Variants in RDH13 observed in about 807,000 individuals in gnomAD.
RDH13 encodes retinol dehydrogenase 13 (all-trans and 9-cis).
Under a neutral mutation model 28.3 loss-of-function variants are expected in RDH13, and 35 were observed. The observed-to-expected ratio is 1.24, with a 90% CI of 0.95 to 1.64. The LOEUF is 1.64. Among genes scored for constraint, RDH13 ranks in the 40% most tolerant of loss-of-function variants. The pLI, the probability that RDH13 is intolerant of heterozygous loss-of-function variation, is 0.00. For synonymous variants in RDH13, 229 were observed against 198.5 expected (o/e 1.15, Z -1.29); for missense variants, 514 against 446.3 (o/e 1.15, Z -1.37).
intron 3 of RDH13, among the ~76,000 whole-genome samples, chr19:55,053,482 C>T (rs529071903): frequency 4.4e-4 from 67 of 151,598 alleles, no homozygotes; most frequent in Non-Finnish European, 8.5e-4. Context: ...GGTGAAACCC[C>T]GTCTCTAGTA....
chr19:55,047,199 G>A, intron 6 of RDH13, 188 bp downstream of exon 6: 1 of 1,405,660 alleles, frequency 7.1e-7, no homozygotes, highest in Non-Finnish European at 9.2e-7. Flanking sequence ...CTGCTTCCCG[G>A]GGCTGTTAGA....
At chr19:55,048,883 T>A in intron 3 of RDH13, 120 bp from the exon 4 acceptor site, 1 of 892,382 alleles carries the variant, frequency 1.1e-6, no homozygotes, top group East Asian at 2.6e-5. Context: ...GGAAACAGGG[T>A]CTGTGCCGAA....
intron 5 of RDH13, chr19:55,048,096 C>T: frequency 1.3e-6 from 2 of 1,510,582 alleles, no homozygotes; most frequent in South Asian, 2.5e-5. Flanking sequence ...CAGGGAAGGA[C>T]ATCTGATCCA....
At chr19:55,047,313 G>T (rs1325267978) in intron 6 of RDH13, 74 bp downstream of exon 6, 20 of 1,556,022 alleles carry the variant, frequency 1.3e-5, no homozygotes, top group Non-Finnish European at 1.6e-5. Flanking sequence ...TCTGAGGGAG[G>T]GTCCTGGGCC....
chr19:55,045,021 C>G lies in RDH13; in HGVS notation c.*53G>C. 7.4e-7 allele frequency: 1 copy of G among 1,351,196 alleles called. No homozygotes were observed. The highest frequency in any genetic ancestry group is 1.0e-6 in the Non-Finnish European group (1 of 977,672). 83.7% of individuals were successfully genotyped at this position (1,351,196 alleles called of 1,614,324 possible). On this transcript the variant is annotated 3_prime_UTR_variant, in exon 7 of 7. Transcript: ENST00000415061. Reference sequence around the variant, plus strand: ...GCCAGGAAGCTGCGGGCATGGCGGACAGCTGTCCTCGGTCTGGAGGCGCCA... The same window carrying G: ...GCCAGGAAGCTGCGGGCATGGCGGAGAGCTGTCCTCGGTCTGGAGGCGCCA...
chr19:55,041,682 G>A (rs564696653), downstream of RDH13: 1 of 152,410 alleles, frequency 6.6e-6, no homozygotes, highest in East Asian at 1.9e-4. Context: ...GGGTGCTTTG[G>A]AGAAGCGCTC....
At position 55,044,890 on chromosome 19, in the gene RDH13, C is replaced by T. The variant is rs1034977734; in HGVS notation, c.*184G>A. On this transcript the variant is annotated 3_prime_UTR_variant, in exon 7 of 7. Transcript: ENST00000415061. ...AGAGCAGACGGAACCAGCCAGAGCCCAGGGCAGTGCTCACCTGCAGGCCAG... is the reference window on the plus strand; with the variant it reads ...AGAGCAGACGGAACCAGCCAGAGCCTAGGGCAGTGCTCACCTGCAGGCCAG... 7.1e-6 allele frequency: 4 copies of T among 562,032 alleles called. No individual in the cohort carries two copies. Among genetic ancestry groups the T allele is most frequent in the African/African-American group, 3.8e-5 (2 of 52,584 alleles). The allele number at this position is 562,032 out of a possible 1,614,324, so 34.8% of individuals were successfully genotyped here. A position where few individuals can be genotyped will look rare whatever the true frequency, so the allele number is the denominator to read the frequency against.
At position 55,045,191 on chromosome 19, in the gene RDH13, CTGTT is replaced by C; in HGVS notation, c.875_878del (p.Lys292ArgfsTer27). The C allele has an allele frequency of 6.2e-7, 1 of 1,613,664 alleles. No individual in the cohort carries two copies. Among genetic ancestry groups the C allele is most frequent in the East Asian group, 2.2e-5 (1 of 44,876 alleles). The stretch of plus-strand genomic sequence containing the variant: ...CCTCAGCCTCGGGGGCCGGGGCCTT[CTGTT>C]TGAGTCCATCGAAGTACTTTCCGGA... On this transcript the variant is annotated frameshift_variant, in exon 7 of 7. Coordinates refer to ENST00000415061, the MANE Select transcript of RDH13 (RefSeq NM_001145971.2). LOFTEE classifies it high-confidence loss of function.
downstream of RDH13, chr19:55,040,681 A>C (rs1051179229): frequency 1.3e-5 from 2 of 152,240 alleles, no homozygotes; most frequent in African/African-American, 4.8e-5. Context: ...AGTAGTTATA[A>C]ATCTTTAATA....
At chr19:55,049,990 T>A (rs544848843) in intron 3 of RDH13, among the ~76,000 whole-genome samples, 3 of 151,854 alleles carry the variant, frequency 2.0e-5, no homozygotes, top group African/African-American at 7.2e-5. Context: ...TTTTCCTTTT[T>A]TAATTTTAGA....
chr19:55,064,139 A>G (rs568051927), upstream of RDH13: 1 of 152,338 alleles, frequency 6.6e-6, no homozygotes, highest in South Asian at 2.1e-4. Flanking sequence ...ACCTTAGTCA[A>G]TGGCCGGGCA....
At chr19:55,053,320 G>A (rs2075518757) in intron 3 of RDH13, among the ~76,000 whole-genome samples, 1 of 151,244 alleles carries the variant, frequency 6.6e-6, no homozygotes, top group Non-Finnish European at 1.5e-5. Flanking sequence ...CAAGAAGCTG[G>A]TACTTGATTT....
At chr19:55,057,298 G>A (rs889559349) in intron 2 of RDH13, among the ~76,000 whole-genome samples, 1 of 152,128 alleles carries the variant, frequency 6.6e-6, no homozygotes, top group Non-Finnish European at 1.5e-5. Context: ...GGTAACAGAT[G>A]TTCTAAGATT....
At chr19:55,051,877 G>C (rs773949775) in intron 3 of RDH13, among the ~76,000 whole-genome samples, 1 of 151,678 alleles carries the variant, frequency 6.6e-6, no homozygotes, top group African/African-American at 2.4e-5. Context: ...AACCACAGGC[G>C]CCCGACACCA....
chr19:55,041,277 C>CCCTATTGCTGG (rs1195979758), downstream of RDH13: 1 of 152,266 alleles, frequency 6.6e-6, no homozygotes, highest in Admixed American at 6.5e-5. Context: ...CTGTGCCTGG[C>CCCTATTGCTGG]CCTATTGGGT....
chr19:55,051,923 G>T (rs2075453342), intron 3 of RDH13, among the ~76,000 whole-genome samples: 1 of 151,830 alleles, frequency 6.6e-6, no homozygotes, highest in Admixed American at 6.6e-5. Context: ...GTAGAAATGG[G>T]GTTTGGCTAT....
upstream of RDH13, chr19:55,063,367 C>T: frequency 3.1e-6 from 1 of 320,734 alleles, no homozygotes; most frequent in Non-Finnish European, 5.7e-6. Flanking sequence ...AGGCGCTACG[C>T]AGTTCTGGAG....
chr19:55,054,829 G>A (rs1380054739), intron 3 of RDH13, among the ~76,000 whole-genome samples: 1 of 151,628 alleles, frequency 6.6e-6, no homozygotes, highest in Non-Finnish European at 1.5e-5. Flanking sequence ...CCTAAGAGAA[G>A]AGATTTTAAA....
At chr19:55,043,403 G>T (rs545750107), downstream of RDH13, among the ~76,000 whole-genome samples, 7 of 152,054 alleles carry the variant, frequency 4.6e-5, no homozygotes, top group Non-Finnish European at 1.0e-4. Context: ...AGCAAAAAGG[G>T]CTGGGTGCAC....
Sources: gnomAD v4.1 joint callset for allele counts (sites outside exome capture counted in the v4.1 genomes callset) on GRCh38, gnomAD v4.1.1 for gene constraint, MANE v1.5 for transcripts, NCBI Gene and HGNC (gene_info 2026-07-23, HGNC 2026-07-21) for gene names.